The following LAMA2 variants were observed in gnomAD, a reference collection of about 807,000 sequenced individuals.
LAMA2 encodes the protein laminin subunit alpha 2.
Under a neutral mutation model 364.8 loss-of-function variants are expected in LAMA2, and 269 were observed. The observed-to-expected ratio is 0.74, with a 90% CI of 0.67 to 0.82. LAMA2 has a LOEUF of 0.82. LAMA2 is among the 40% of genes least tolerant of loss of function. LAMA2 has a pLI of 0.00. For missense variants in LAMA2, 3,807 were observed against 3,873.2 expected (o/e 0.98, Z 0.45); for synonymous variants, 1,379 against 1,370.6 (o/e 1.01, Z -0.14).
At chr6:129,329,898 CTCA>C (rs984994087) in intron 29 of LAMA2, among the ~76,000 whole-genome samples, 1 of 152,142 alleles carries the variant, frequency 6.6e-6, no homozygotes, top group Non-Finnish European at 1.5e-5. Context: ...ACAGCTGCTC[CTCA>C]TTCCTGGTAT....
At chr6:128,929,894 T>C in intron 1 of LAMA2, 3 of 878,980 alleles carry the variant, frequency 3.4e-6, no homozygotes, top group Middle Eastern at 3.1e-4. Flanking sequence ...CAGCTGAGTG[T>C]ATGGGATGTG....
At chr6:129,326,570 A>C (rs1055423844) in intron 28 of LAMA2, among the ~76,000 whole-genome samples, 7 of 151,536 alleles carry the variant, frequency 4.6e-5, no homozygotes, top group African/African-American at 1.7e-4. Context: ...TTTTTACACA[A>C]ATTTTTACAG....
chr6:129,353,205 G>T lies in LAMA2; in HGVS notation c.4565G>T (p.Gly1522Val). 1.9e-6 allele frequency: 3 copies of T among 1,614,056 alleles called. No homozygotes were observed. Among genetic ancestry groups the T allele is most frequent in the Non-Finnish European group, 2.5e-6 (3 of 1,179,966 alleles). Residue 1522 changes from glycine (G) to valine (V), a missense_variant, in exon 32 of 65, where the codon GGC becomes GTC. Transcript: ENST00000421865. Reference sequence around the variant, plus strand: ...ACTGGCAGTCCAGGCAACCCTGGAGGCTCCTGCCAAGAATGTGAGTGTGAT... The same window carrying T: ...ACTGGCAGTCCAGGCAACCCTGGAGTCTCCTGCCAAGAATGTGAGTGTGAT... ...GYTGSPGNPG[G>V]SCQECECDPY...
chr6:129,223,889 C>T (rs560930785), intron 12 of LAMA2, among the ~76,000 whole-genome samples: 11 of 152,048 alleles, frequency 7.2e-5, no homozygotes, highest in Non-Finnish European at 1.3e-4. Flanking sequence ...AAGAAAGTCA[C>T]TGGTAGCTTG....
chr6:129,489,653 T>C (rs574986901), intron 56 of LAMA2, among the ~76,000 whole-genome samples: 1 of 152,298 alleles, frequency 6.6e-6, no homozygotes, highest in East Asian at 1.9e-4. Context: ...TAGGAGTCAT[T>C]TGGGGTTTCC....
At chr6:129,298,151 C>CTCAGTAAAAATCA (rs1554265349) in intron 21 of LAMA2, among the ~76,000 whole-genome samples, 6 of 151,988 alleles carry the variant, frequency 3.9e-5, no homozygotes, top group African/African-American at 1.2e-4. Context: ...AACACTGCTA[C>CTCAGTAAAAATCA]GGCTTGAAAG....
intron 47 of LAMA2, among the ~76,000 whole-genome samples, chr6:129,455,622 AT>A (rs1782922759): frequency 6.6e-6 from 1 of 152,192 alleles, no homozygotes; most frequent in African/African-American, 2.4e-5. Flanking sequence ...AGATTTTCAT[AT>A]TTAACAGCTC....
In LAMA2 at chr6:129,349,633, G is replaced by GTATA. The variant is rs531622069; in HGVS notation, c.4523+262_4523+265dup. 8.0e-4 allele frequency among the ~76,000 whole-genome samples: 119 copies of GTATA among 148,774 alleles called. 1 individual carries two copies. The highest frequency in any genetic ancestry group is 2.6e-3 in the African/African-American group (106 of 40,730). On this transcript the variant is annotated intron_variant, in intron 31 of 64. Coordinates refer to ENST00000421865, the MANE Select transcript of LAMA2 (RefSeq NM_000426.4). ...TTACAATTATCTAACTTATGCTTTA[G>GTATA]TATATATATATATATAATTTTATAT...
At chr6:128,988,516 A>C (rs12214178) in intron 1 of LAMA2, among the ~76,000 whole-genome samples, 14,397 of 152,272 alleles carry the variant, frequency 0.095, 897 homozygotes, top group South Asian at 0.16. Flanking sequence ...GCACTGAACT[A>C]AAGTGCAGCA....
At chr6:129,278,025 G>A (rs1788447140) in intron 17 of LAMA2, among the ~76,000 whole-genome samples, 5 of 151,790 alleles carry the variant, frequency 3.3e-5, no homozygotes, top group African/African-American at 1.2e-4. Context: ...AATATGGTGA[G>A]ACCCCATTTC....
At chr6:129,452,965 T>G in intron 45 of LAMA2, 23 bp from the exon 46 acceptor site, 1 of 1,608,390 alleles carries the variant, frequency 6.2e-7, no homozygotes, top group Non-Finnish European at 8.5e-7. Context: ...CTCTTGGTTC[T>G]TTGTATCTTG....
chr6:128,961,806 A>G (rs115481581), intron 1 of LAMA2, among the ~76,000 whole-genome samples: 2,254 of 152,002 alleles, frequency 0.015, 57 homozygotes, highest in African/African-American at 0.052. Flanking sequence ...ATTAACCATC[A>G]CAAGAATAAA....
At chr6:129,051,183 G>T (rs1397136600) in intron 2 of LAMA2, among the ~76,000 whole-genome samples, 1 of 138,618 alleles carries the variant, frequency 7.2e-6, no homozygotes, top group Admixed American at 7.0e-5. Context: ...CTCTCTCTCT[G>T]TATATATATA....
intron 12 of LAMA2, among the ~76,000 whole-genome samples, chr6:129,197,670 A>G (rs1781931161): frequency 6.6e-6 from 1 of 152,212 alleles, no homozygotes; most frequent in African/African-American, 2.4e-5. Flanking sequence ...AACCTTGCCA[A>G]ATAAACCTCT....
rs961300431 is a variant in LAMA2 at position 129,213,728 on chromosome 6, G to C, written c.1782+20875G>C. 2.6e-5 allele frequency among the ~76,000 whole-genome samples: 4 copies of C among 151,998 alleles called. No individual in the cohort carries two copies. In the South Asian group the frequency reaches 8.3e-4, roughly 32 times the overall value. On this transcript the variant is annotated intron_variant, in intron 12 of 64. Coordinates refer to ENST00000421865, the MANE Select transcript of LAMA2 (RefSeq NM_000426.4). Reference sequence around the variant, plus strand: ...CAATTTTTAAATTTATTTTCTTGTTGTTGAGATTTAAGAGTTCTTTGTATG... The same window carrying C: ...CAATTTTTAAATTTATTTTCTTGTTCTTGAGATTTAAGAGTTCTTTGTATG...
intron 10 of LAMA2, among the ~76,000 whole-genome samples, chr6:129,187,159 C>T (rs777318527): frequency 2.0e-5 from 3 of 151,508 alleles, no homozygotes; most frequent in Non-Finnish European, 4.4e-5. Context: ...CAAGAATAAG[C>T]CAGGAATGCA....
At chr6:128,919,013 A>G (rs542659686) in intron 1 of LAMA2, among the ~76,000 whole-genome samples, 2 of 152,318 alleles carry the variant, frequency 1.3e-5, no homozygotes, top group African/African-American at 4.8e-5. Flanking sequence ...GTACAAATTC[A>G]GTTCCCCACA....
intron 56 of LAMA2, chr6:129,490,918 G>C (rs1048510927): frequency 1.3e-5 from 2 of 151,998 alleles, no homozygotes; most frequent in Non-Finnish European, 2.9e-5. Context: ...TCTTACTTTT[G>C]AATTATCTTA....
chr6:128,996,735 A>G (rs2114671780), intron 1 of LAMA2, among the ~76,000 whole-genome samples: 1 of 152,358 alleles, frequency 6.6e-6, no homozygotes, highest in South Asian at 2.1e-4. Flanking sequence ...TCAAGGATCT[A>G]GAACCGGAAA....
Sources: gnomAD v4.1 joint callset for allele counts (sites outside exome capture counted in the v4.1 genomes callset) on GRCh38, gnomAD v4.1.1 for gene constraint, MANE v1.5 for transcripts, NCBI Gene and HGNC (gene_info 2026-07-23, HGNC 2026-07-21) for gene names.